Variants in SLC2A13 observed in about 807,000 individuals in gnomAD.
The protein encoded by SLC2A13 is proton myo-inositol cotransporter.
SLC2A13 carries 32 observed loss-of-function variants against 64.4 expected under a neutral mutation model. The observed-to-expected ratio is 0.50, with a 90% CI of 0.37 to 0.67. The LOEUF (loss-of-function observed/expected upper bound fraction) is 0.67, where lower values mean the gene tolerates loss of function less well. Ranked by LOEUF, SLC2A13 falls within the 30% of genes least tolerant of loss-of-function variation. The probability of loss-of-function intolerance (pLI) is 0.00; values close to 1 mark genes in which losing one functional copy is unlikely to be tolerated. For synonymous variants in SLC2A13, 338 were observed against 327.1 expected, an observed-to-expected ratio of 1.03 and a Z score of -0.36; for missense variants, 743 against 829.2, an observed-to-expected ratio of 0.90 and a Z score of 1.28.
intron 1 of SLC2A13, among the ~76,000 whole-genome samples, chr12:40,099,267 G>A (rs1043612254): frequency 4.6e-5 from 7 of 152,164 alleles, no homozygotes; most frequent in Non-Finnish European, 8.8e-5. Flanking sequence ...GGTGCTATAA[G>A]AAGTGTTGCT....
intron 3 of SLC2A13, among the ~76,000 whole-genome samples, chr12:39,971,076 A>G (rs559183552): frequency 7.9e-5 from 12 of 152,054 alleles, no homozygotes; most frequent in Non-Finnish European, 1.6e-4. Flanking sequence ...CTAATTCTTA[A>G]CTTCCCATAT....
At chr12:39,999,356 C>A (rs1285612400) in intron 3 of SLC2A13, among the ~76,000 whole-genome samples, 2 of 152,074 alleles carry the variant, frequency 1.3e-5, no homozygotes, top group East Asian at 3.9e-4. Flanking sequence ...AATGGACGTG[C>A]AAGTATGGAA....
At chr12:39,777,165 C>T (rs1224729005) in intron 7 of SLC2A13, among the ~76,000 whole-genome samples, 2 of 152,184 alleles carry the variant, frequency 1.3e-5, no homozygotes, top group Non-Finnish European at 2.9e-5. Flanking sequence ...ACTTTCCTTT[C>T]TTCCCGCTTC....
At chr12:40,000,316 A>C (rs1322554207) in intron 3 of SLC2A13, among the ~76,000 whole-genome samples, 1 of 136,602 alleles carries the variant, frequency 7.3e-6, no homozygotes, top group African/African-American at 2.8e-5. Context: ...CAACAACAGC[A>C]ACAAAACCCA....
chr12:39,985,563 T>TAGG (rs1947016380), intron 3 of SLC2A13, among the ~76,000 whole-genome samples: 1 of 152,108 alleles, frequency 6.6e-6, no homozygotes, highest in Admixed American at 6.6e-5. Flanking sequence ...ATTCAGTGCA[T>TAGG]AGGAATTCAG....
At chr12:39,869,031 G>A (rs1388164242) in intron 5 of SLC2A13, among the ~76,000 whole-genome samples, 2 of 152,074 alleles carry the variant, frequency 1.3e-5, no homozygotes, top group Admixed American at 6.5e-5. Context: ...GAACGATACT[G>A]AATCAAAGGT....
intron 3 of SLC2A13, among the ~76,000 whole-genome samples, chr12:39,953,200 A>G (rs1946262170): frequency 6.6e-6 from 1 of 152,198 alleles, no homozygotes; most frequent in Admixed American, 6.5e-5. Flanking sequence ...AATTAGGACC[A>G]AAGTTTGACT....
chr12:39,808,611 T>A (rs1416823758), intron 7 of SLC2A13, among the ~76,000 whole-genome samples: 2 of 152,168 alleles, frequency 1.3e-5, no homozygotes, highest in Non-Finnish European at 2.9e-5. Context: ...GACTTTTTCA[T>A]TTTAGCTATT....
intron 3 of SLC2A13, among the ~76,000 whole-genome samples, chr12:39,988,293 C>T (rs1429269020): frequency 6.6e-6 from 1 of 151,870 alleles, no homozygotes; most frequent in Non-Finnish European, 1.5e-5. Context: ...TACTTTGGCA[C>T]ATTGGTATTA....
intron 7 of SLC2A13, among the ~76,000 whole-genome samples, chr12:39,771,883 T>G (rs1940592064): frequency 6.6e-6 from 1 of 152,134 alleles, no homozygotes; most frequent in African/African-American, 2.4e-5. Flanking sequence ...ACTAAATTAC[T>G]TATTTTCTGA....
At chr12:39,791,238 C>G (rs996518535) in intron 7 of SLC2A13, among the ~76,000 whole-genome samples, 1 of 145,480 alleles carries the variant, frequency 6.9e-6, no homozygotes, top group Non-Finnish European at 1.5e-5. Flanking sequence ...ATAATAAGAG[C>G]TATCTATGAC....
chr12:39,801,339 T>TAA (rs34671641), intron 7 of SLC2A13, among the ~76,000 whole-genome samples: 5 of 126,858 alleles, frequency 3.9e-5, no homozygotes, highest in African/African-American at 1.4e-4. Flanking sequence ...ATGAGGAAAT[T>TAA]AAAAAAAAAA....
At chr12:40,095,663 T>TA (rs1231445343) in intron 1 of SLC2A13, among the ~76,000 whole-genome samples, 5 of 152,222 alleles carry the variant, frequency 3.3e-5, no homozygotes, top group African/African-American at 1.2e-4. Context: ...TTTATTTCCT[T>TA]ATATTACAAT....
chr12:40,001,713 T>A (rs1591995747), intron 3 of SLC2A13, among the ~76,000 whole-genome samples: 1 of 152,318 alleles, frequency 6.6e-6, no homozygotes, highest in East Asian at 1.9e-4. Context: ...TTCACTTCAC[T>A]TAGCACCACT....
At chr12:39,896,527 T>A (rs1230588821) in intron 4 of SLC2A13, among the ~76,000 whole-genome samples, 1 of 145,008 alleles carries the variant, frequency 6.9e-6, no homozygotes, top group Non-Finnish European at 1.5e-5. Context: ...TATACATGTA[T>A]ACATGTATGT....
At chr12:39,765,973 C>T (rs1189865937) in intron 7 of SLC2A13, among the ~76,000 whole-genome samples, 1 of 152,070 alleles carries the variant, frequency 6.6e-6, no homozygotes, top group Non-Finnish European at 1.5e-5. Context: ...TGAAAACACG[C>T]AGTGTGTGGT....
At chr12:39,887,439 A>T (rs1222784841) in intron 4 of SLC2A13, among the ~76,000 whole-genome samples, 4 of 152,178 alleles carry the variant, frequency 2.6e-5, no homozygotes, top group Non-Finnish European at 4.4e-5. Flanking sequence ...ATCAATGAAA[A>T]TACACCCAGA....
At chr12:39,890,701 A>G (rs911582185) in intron 4 of SLC2A13, among the ~76,000 whole-genome samples, 1 of 152,202 alleles carries the variant, frequency 6.6e-6, no homozygotes, top group Admixed American at 6.5e-5. Context: ...AAATATGTAC[A>G]GTTATTACAT....
At chr12:40,104,164 G>A (rs1939228435) in intron 1 of SLC2A13, among the ~76,000 whole-genome samples, 1 of 152,104 alleles carries the variant, frequency 6.6e-6, no homozygotes, top group African/African-American at 2.4e-5. Context: ...CCCAGCCATA[G>A]GGAAGAAATA....
Sources: gnomAD v4.1 joint callset for allele counts (sites outside exome capture counted in the v4.1 genomes callset) on GRCh38, gnomAD v4.1.1 for gene constraint, MANE v1.5 for transcripts, NCBI Gene and HGNC (gene_info 2026-07-23, HGNC 2026-07-21) for gene names.